The following PPP1R9A variants were observed in gnomAD, a reference collection of about 807,000 sequenced individuals.
PPP1R9A encodes protein phosphatase 1 regulatory subunit 9A.
A neutral mutation model predicts 141.9 loss-of-function variants in PPP1R9A; 59 were observed. The ratio of observed to expected loss-of-function variants is 0.42; its 90% CI spans 0.34 to 0.52. The LOEUF is 0.52. Among genes scored for constraint, PPP1R9A ranks in the 20% least tolerant of loss-of-function variants. PPP1R9A has a pLI of 0.10. For missense variants in PPP1R9A, 1,444 were observed against 1,611.9 expected (o/e 0.90, Z 1.78); for synonymous variants, 500 against 569.7 (o/e 0.88, Z 1.74).
chr7:95,273,036 G>A (rs904742643), intron 14 of PPP1R9A, among the ~76,000 whole-genome samples: 3 of 152,132 alleles, frequency 2.0e-5, no homozygotes, highest in Non-Finnish European at 4.4e-5. Flanking sequence ...GAGCCTGTCC[G>A]AGATGGAACA....
chr7:95,051,764 C>CA (rs1244310817), intron 2 of PPP1R9A, among the ~76,000 whole-genome samples: 1 of 150,692 alleles, frequency 6.6e-6, no homozygotes. Context: ...GCCAAAACAA[C>CA]AAAAAAAGTC....
chr7:95,072,686 T>G (rs1584536001), intron 2 of PPP1R9A, among the ~76,000 whole-genome samples: 4 of 117,294 alleles, frequency 3.4e-5, no homozygotes, highest in Non-Finnish European at 6.6e-5. Context: ...TTACATATTA[T>G]ATATTATGTA....
chr7:95,105,370 C>A (rs930336409), intron 2 of PPP1R9A, among the ~76,000 whole-genome samples: 1 of 152,120 alleles, frequency 6.6e-6, no homozygotes, highest in African/African-American at 2.4e-5. Context: ...CCTTGCTAAC[C>A]GTGTTTGTAA....
At chr7:95,244,542 A>G (rs901250450) in intron 8 of PPP1R9A, among the ~76,000 whole-genome samples, 27 of 152,172 alleles carry the variant, frequency 1.8e-4, no homozygotes, top group African/African-American at 6.3e-4. Flanking sequence ...GTGATCTGAG[A>G]AAAGAAAGTC....
chr7:95,071,810 G>A (rs1381181556), intron 2 of PPP1R9A, among the ~76,000 whole-genome samples: 1 of 151,654 alleles, frequency 6.6e-6, no homozygotes, highest in Non-Finnish European at 1.5e-5. Context: ...TTTTTTTGTA[G>A]CCCCACTACC....
chr7:95,260,721 A>G (rs1800308058), intron 12 of PPP1R9A, among the ~76,000 whole-genome samples: 1 of 150,948 alleles, frequency 6.6e-6, no homozygotes, highest in Non-Finnish European at 1.5e-5. Context: ...ACACAATGTT[A>G]CTTTGTCAGA....
chr7:95,144,910 C>T (rs1452630847), intron 4 of PPP1R9A, among the ~76,000 whole-genome samples: 2 of 152,042 alleles, frequency 1.3e-5, no homozygotes, highest in African/African-American at 2.4e-5. Context: ...GAGTGGACAA[C>T]GTACAAAAAT....
At chr7:95,278,519 G>T (rs963065292) in intron 16 of PPP1R9A, among the ~76,000 whole-genome samples, 3 of 151,870 alleles carry the variant, frequency 2.0e-5, no homozygotes, top group Middle Eastern at 6.8e-3. Flanking sequence ...TTGATCTGTA[G>T]GATTCCATGA....
chr7:95,218,814 T>G (rs189932167), intron 7 of PPP1R9A, among the ~76,000 whole-genome samples: 1 of 152,336 alleles, frequency 6.6e-6, no homozygotes, highest in African/African-American at 2.4e-5. Flanking sequence ...TGTTTTCCTT[T>G]TGCTTAGTGG....
At chr7:94,939,362 A>G (rs1320188563) in intron 2 of PPP1R9A, among the ~76,000 whole-genome samples, 1 of 152,184 alleles carries the variant, frequency 6.6e-6, no homozygotes, top group African/African-American at 2.4e-5. Context: ...GCTGGTAGAA[A>G]GTGAGTCTAC....
chr7:95,012,543 C>A (rs1804571422), intron 2 of PPP1R9A, among the ~76,000 whole-genome samples: 1 of 151,996 alleles, frequency 6.6e-6, no homozygotes. Flanking sequence ...CTTTAGGATA[C>A]CTTTGGAGTA....
intron 2 of PPP1R9A, among the ~76,000 whole-genome samples, chr7:94,939,946 G>A (rs560926080): frequency 7.9e-5 from 12 of 151,864 alleles, no homozygotes; most frequent in African/African-American, 2.9e-4. Flanking sequence ...ATCACTGATT[G>A]CATGCTCTAC....
chr7:94,915,474 A>G (rs910483423), intron 2 of PPP1R9A, among the ~76,000 whole-genome samples: 3 of 152,190 alleles, frequency 2.0e-5, no homozygotes, highest in Non-Finnish European at 4.4e-5. Flanking sequence ...TAGGTATTCT[A>G]TGGGAAATTA....
At chr7:95,164,745 T>TC (rs1191304025) in intron 5 of PPP1R9A, among the ~76,000 whole-genome samples, 22 of 141,566 alleles carry the variant, frequency 1.6e-4, no homozygotes, top group Admixed American at 3.5e-4. Context: ...TCTTTTCTTT[T>TC]TTTTTTTTTT....
intron 2 of PPP1R9A, among the ~76,000 whole-genome samples, chr7:95,037,949 T>TAA (rs1563152439): frequency 0.012 from 1,026 of 87,554 alleles, 9 homozygotes; most frequent in African/African-American, 0.042. Context: ...ACAAAATAAT[T>TAA]TAAAAAAAAA....
intron 5 of PPP1R9A, among the ~76,000 whole-genome samples, chr7:95,179,836 T>C (rs535386792): frequency 4.1e-5 from 6 of 145,742 alleles, no homozygotes; most frequent in African/African-American, 1.5e-4. Context: ...GAAAGACCTC[T>C]ACAAGGAAAA....
chr7:94,978,202 A>G (rs992947518), intron 2 of PPP1R9A, among the ~76,000 whole-genome samples: 2 of 152,210 alleles, frequency 1.3e-5, no homozygotes, highest in African/African-American at 2.4e-5. Context: ...CCTAGGCCAT[A>G]AAGTGATTTC....
intron 2 of PPP1R9A, among the ~76,000 whole-genome samples, chr7:94,959,327 G>A (rs955396896): frequency 6.6e-6 from 1 of 151,538 alleles, no homozygotes; most frequent in Non-Finnish European, 1.5e-5. Flanking sequence ...AAAATGAAAA[G>A]ATTATTTTGA....
chr7:95,207,752 G>T (rs1239390985), intron 7 of PPP1R9A, among the ~76,000 whole-genome samples: 1 of 152,046 alleles, frequency 6.6e-6, no homozygotes, highest in Non-Finnish European at 1.5e-5. Context: ...TAAGTTATTA[G>T]AAATAATATA....
Sources: gnomAD v4.1 joint callset for allele counts (sites outside exome capture counted in the v4.1 genomes callset) on GRCh38, gnomAD v4.1.1 for gene constraint, MANE v1.5 for transcripts, NCBI Gene and HGNC (gene_info 2026-07-23, HGNC 2026-07-21) for gene names.